SUGP1: variants seen among roughly 807,000 people sequenced by gnomAD.
SUGP1 encodes SURP and G-patch domain containing 1, also known as SURP and G-patch domain-containing protein 1.
A neutral mutation model predicts 76.5 loss-of-function variants in SUGP1; 34 were observed. That is an observed-to-expected ratio of 0.44 (90% CI 0.34 to 0.59). SUGP1 has a LOEUF of 0.59. SUGP1 is among the 20% of genes least tolerant of loss of function. SUGP1 has a pLI of 0.01. For synonymous variants in SUGP1, 326 were observed against 326.2 expected, an observed-to-expected ratio of 1.00 and a Z score of 0.01; for missense variants, 752 against 851.7, an observed-to-expected ratio of 0.88 and a Z score of 1.46.
intron 7 of SUGP1, among the ~76,000 whole-genome samples, chr19:19,300,978 T>G (rs976493751): frequency 6.6e-6 from 1 of 152,186 alleles, no homozygotes; most frequent in African/African-American, 2.4e-5. Flanking sequence ...TCCATATCCT[T>G]GCCTGCTTCT....
intron 8 of SUGP1, among the ~76,000 whole-genome samples, chr19:19,290,961 A>G (rs2061178295): frequency 1.3e-5 from 2 of 152,068 alleles, no homozygotes; most frequent in African/African-American, 4.8e-5. Context: ...TACTAAAAAT[A>G]CAAAAATTAG....
chr19:19,276,854 C>A, intron 13 of SUGP1, 93 bp downstream of exon 13: 11 of 1,575,458 alleles, frequency 7.0e-6, no homozygotes, highest in Non-Finnish European at 9.5e-6. Flanking sequence ...TGAGACCCAG[C>A]CTGGCTGGAC....
At chr19:19,298,625 A>G (rs2061247543) in intron 7 of SUGP1, among the ~76,000 whole-genome samples, 1 of 152,224 alleles carries the variant, frequency 6.6e-6, no homozygotes, top group South Asian at 2.1e-4. Context: ...AGGAGATGAC[A>G]GCATCTTCTC....
At chr19:19,288,297 C>T (rs1019383852) in intron 8 of SUGP1, among the ~76,000 whole-genome samples, 1 of 152,158 alleles carries the variant, frequency 6.6e-6, no homozygotes, top group Non-Finnish European at 1.5e-5. Flanking sequence ...TCTTGAGTAG[C>T]TAGAGCTATA....
chr19:19,277,257 G>GGA (rs1555787458), intron 12 of SUGP1, among the ~76,000 whole-genome samples, 181 bp from the exon 13 acceptor site: 1 of 150,334 alleles, frequency 6.7e-6, no homozygotes, highest in Non-Finnish European at 1.5e-5. Flanking sequence ...CGGGCGGGGG[G>GGA]GGGGGGCCTA....
intron 7 of SUGP1, among the ~76,000 whole-genome samples, chr19:19,298,203 T>C (rs1365246930): frequency 8.1e-6 from 1 of 122,794 alleles, no homozygotes; most frequent in Non-Finnish European, 1.7e-5. Flanking sequence ...GTGAAGTCCC[T>C]TTGTGTTACA....
chr19:19,282,815 C>A (rs951387515), intron 8 of SUGP1, among the ~76,000 whole-genome samples: 5 of 152,118 alleles, frequency 3.3e-5, no homozygotes, highest in Admixed American at 2.6e-4. Context: ...CGGCGGCTCA[C>A]GCCTGTAATC....
intron 3 of SUGP1, among the ~76,000 whole-genome samples, chr19:19,306,734 A>AG (rs1319147396): frequency 6.6e-6 from 1 of 152,226 alleles, no homozygotes; most frequent in African/African-American, 2.4e-5. Flanking sequence ...ACCTACAGAC[A>AG]GGGGTCCCAT....
At chr19:19,286,986 C>A (rs2061145581) in intron 8 of SUGP1, among the ~76,000 whole-genome samples, 1 of 151,348 alleles carries the variant, frequency 6.6e-6, no homozygotes, top group Non-Finnish European at 1.5e-5. Flanking sequence ...ACAACAACAA[C>A]AAAATAGGCC....
chr19:19,293,068 A>C (rs1380800257), intron 8 of SUGP1, among the ~76,000 whole-genome samples: 2 of 151,660 alleles, frequency 1.3e-5, no homozygotes, highest in Non-Finnish European at 2.9e-5. Flanking sequence ...CACCACACCC[A>C]GCTAATTTTT....
chr19:19,307,977 G>A (rs1187970620), intron 3 of SUGP1, among the ~76,000 whole-genome samples: 1 of 151,872 alleles, frequency 6.6e-6, no homozygotes, highest in Non-Finnish European at 1.5e-5. Flanking sequence ...TATTTTTCAT[G>A]ATTAACAAAG....
At chr19:19,306,794 G>A (rs1276104035) in intron 3 of SUGP1, among the ~76,000 whole-genome samples, 3 of 152,196 alleles carry the variant, frequency 2.0e-5, no homozygotes, top group African/African-American at 7.2e-5. Context: ...AATCCCCTGG[G>A]GCACTGACAA....
chr19:19,310,101 GCT>G lies in SUGP1; in HGVS notation c.304_305del (p.Ser102HisfsTer63). On this transcript the variant is annotated frameshift_variant, in exon 3 of 14. Transcript: ENST00000247001. LOFTEE classifies it high-confidence loss of function. ...QFLKLQKAQTSTDAPTSAPSA... is the reference protein window; with the variant it reads ...QFLKLQKAQTXTDAPTSAPSA... ...AAAGGGGAGGCCTACACTCACCTGT[GCT>G]GGTCTGTGCCTTCTGCAACTTCAGA... The G allele has an allele frequency of 6.2e-7, 1 of 1,612,922 alleles. No individual in the cohort carries two copies. The highest frequency in any genetic ancestry group is 8.5e-7 in the Non-Finnish European group (1 of 1,179,164).
In SUGP1 at chr19:19,276,527, T is replaced by C; in HGVS notation, c.*121A>G. 8.1e-7 allele frequency: 1 copy of C among 1,233,930 alleles called. No homozygotes were observed. The allele number at this position is 1,233,930 out of a possible 1,614,324, so 76.4% of individuals were successfully genotyped here. A position where few individuals can be genotyped will look rare whatever the true frequency, so the allele number is the denominator to read the frequency against. ...CCAGGCATCTGTGGTGGATGAGCAC[T>C]GGGACTTTATTACACGGCACGGCAC... On this transcript the variant is annotated 3_prime_UTR_variant, in exon 14 of 14. Coordinates refer to ENST00000247001, the MANE Select transcript of SUGP1 (RefSeq NM_172231.4).
At chr19:19,295,736 G>C (rs1344107220) in intron 8 of SUGP1, among the ~76,000 whole-genome samples, 1 of 152,064 alleles carries the variant, frequency 6.6e-6, no homozygotes, top group Non-Finnish European at 1.5e-5. Context: ...TGGGCATGGT[G>C]GGGCAAGTCT....
intron 3 of SUGP1, among the ~76,000 whole-genome samples, chr19:19,309,348 G>A (rs1200599671): frequency 2.0e-5 from 3 of 152,144 alleles, no homozygotes; most frequent in African/African-American, 7.2e-5. Flanking sequence ...AGCCAGGTGT[G>A]GTGGCATGCC....
intron 2 of SUGP1, among the ~76,000 whole-genome samples, chr19:19,311,280 T>C (rs1318581139): frequency 6.6e-6 from 1 of 151,774 alleles, no homozygotes; most frequent in Admixed American, 6.6e-5. Context: ...TTTAGGCCCC[T>C]GGGTTTGCCT....
chr19:19,296,547 T>C (rs1219566111), intron 8 of SUGP1, among the ~76,000 whole-genome samples: 1 of 151,424 alleles, frequency 6.6e-6, no homozygotes, highest in East Asian at 1.9e-4. Flanking sequence ...CTCAGGAGGC[T>C]GAGGCAGGAG....
intron 4 of SUGP1, 56 bp downstream of exon 4, chr19:19,305,793 C>A (rs1265235705): frequency 6.5e-6 from 10 of 1,534,300 alleles, no homozygotes; most frequent in Non-Finnish European, 8.0e-6. Context: ...ACCACAGATC[C>A]CACCTGCTAG....
Sources: allele counts gnomAD v4.1 joint callset (sites outside exome capture counted in the v4.1 genomes callset), GRCh38; gene constraint gnomAD v4.1.1; transcripts MANE v1.5; gene names NCBI Gene and HGNC (gene_info 2026-07-23, HGNC 2026-07-21).